Variants in LIPK observed in about 807,000 individuals in gnomAD.
LIPK encodes the protein lipase family member K.
LIPK carries 32 observed loss-of-function variants against 48.6 expected under a neutral mutation model. The ratio of observed to expected loss-of-function variants is 0.66; its 90% confidence interval spans 0.50 to 0.88. LIPK has a LOEUF of 0.88. LIPK is among the 40% of genes least tolerant of loss of function. LIPK has a pLI of 0.00. For missense variants in LIPK, 507 were observed against 478.5 expected (o/e 1.06, Z -0.56); for synonymous variants, 164 against 157.4 (o/e 1.04, Z -0.32).
intron 1 of LIPK, among the ~76,000 whole-genome samples, chr10:88,709,366 C>T (rs905368036): frequency 3.9e-5 from 6 of 152,114 alleles, no homozygotes; most frequent in East Asian, 1.9e-4. Flanking sequence ...ACATGTGCCA[C>T]GGTGGTTTGC....
At chr10:88,723,927 C>T (rs1842283131) in intron 1 of LIPK, among the ~76,000 whole-genome samples, 1 of 151,940 alleles carries the variant, frequency 6.6e-6, no homozygotes, top group African/African-American at 2.4e-5. Context: ...TTTTTTCTCA[C>T]CCATAATTTA....
chr10:88,738,535 CCTTT>C (rs1254249248), intron 7 of LIPK, among the ~76,000 whole-genome samples: 1 of 152,162 alleles, frequency 6.6e-6, no homozygotes, highest in Non-Finnish European at 1.5e-5. Context: ...TTAGCCATTG[CCTTT>C]CTATGTTCCT....
At chr10:88,713,106 G>A (rs778922690) in intron 1 of LIPK, among the ~76,000 whole-genome samples, 1 of 152,126 alleles carries the variant, frequency 6.6e-6, no homozygotes, top group Non-Finnish European at 1.5e-5. Context: ...TGTAGACTCT[G>A]GGATCAAACC....
At chr10:88,737,261 G>T (rs396952) in intron 6 of LIPK, among the ~76,000 whole-genome samples, 32,956 of 152,094 alleles carry the variant, frequency 0.22, 3,756 homozygotes, top group East Asian at 0.37. Flanking sequence ...GCCCTACCCA[G>T]TAGAAAATTT....
In LIPK at chr10:88,747,184, T is replaced by G. The variant is rs144286367; in HGVS notation, c.960+3863T>G. 5.3e-5 allele frequency among the ~76,000 whole-genome samples: 8 copies of G among 152,244 alleles called. No individual in the cohort carries two copies. The East Asian group carries it at 1.3e-3, about 26-fold the overall frequency. The stretch of plus-strand genomic sequence containing the variant: ...AATTACAGTCCAATTTTACCATACA[T>G]GTAAGAAGAGCTGGTGCCAATCTTA... On this transcript the variant is annotated intron_variant, in intron 9 of 9. Transcript: ENST00000404190.
At chr10:88,727,710 T>C (rs1329954902) in intron 3 of LIPK, 1 of 195,392 alleles carries the variant, frequency 5.1e-6, no homozygotes, top group Non-Finnish European at 1.1e-5. Context: ...GCTGGTGATA[T>C]GGGAGGCATC....
intron 1 of LIPK, among the ~76,000 whole-genome samples, chr10:88,712,232 C>A (rs1269250511): frequency 6.6e-6 from 1 of 152,122 alleles, no homozygotes; most frequent in Non-Finnish European, 1.5e-5. Flanking sequence ...GTTAGCATAG[C>A]AAGTGTAGTG....
chr10:88,722,882 C>CTT (rs1262882913), intron 1 of LIPK, among the ~76,000 whole-genome samples: 4 of 46,022 alleles, frequency 8.7e-5, no homozygotes, highest in African/African-American at 5.8e-4. Flanking sequence ...TTCTTCTTTT[C>CTT]TTTTTTCTTT....
At position 88,726,783 on chromosome 10, in the gene LIPK, T is replaced by C. The variant is rs1477558400; in HGVS notation, c.106-12T>C. On this transcript the variant is annotated splice_polypyrimidine_tract_variant and intron_variant, in intron 2 of 9. Coordinates refer to ENST00000404190, the MANE Select transcript of LIPK (RefSeq NM_001080518.2). The stretch of plus-strand genomic sequence containing the variant: ...ATAACATGAAGGTATATATTTCCTT[T>C]CCTCTTTTTAGAGCCAGATTATTTC... 1 of 1,282,910 alleles carries C rather than the reference T, an allele frequency of 7.8e-7. No individual in the cohort carries two copies. The highest frequency in any genetic ancestry group is 1.1e-6 in the Non-Finnish European group (1 of 887,682). The allele number at this position is 1,282,910 out of a possible 1,614,324, so 79.5% of individuals were successfully genotyped here. A position where few individuals can be genotyped will look rare whatever the true frequency, so the allele number is the denominator to read the frequency against.
intron 1 of LIPK, among the ~76,000 whole-genome samples, chr10:88,713,126 C>T (rs1428900525): frequency 6.6e-6 from 1 of 152,148 alleles, no homozygotes; most frequent in Non-Finnish European, 1.5e-5. Context: ...CAATCAGATA[C>T]AAATATCGCT....
chr10:88,717,879 A>AT (rs1196909601), intron 1 of LIPK, among the ~76,000 whole-genome samples: 15 of 149,634 alleles, frequency 1.0e-4, no homozygotes, highest in Admixed American at 9.3e-4. Flanking sequence ...GTATTATTTA[A>AT]TGTTTTTTTT....
intron 6 of LIPK, among the ~76,000 whole-genome samples, chr10:88,734,219 G>T (rs1402131726): frequency 6.6e-6 from 1 of 152,162 alleles, no homozygotes; most frequent in Non-Finnish European, 1.5e-5. Flanking sequence ...GAAAAATACT[G>T]CTAGCTGTTG....
At chr10:88,723,202 T>C (rs115087753) in intron 1 of LIPK, among the ~76,000 whole-genome samples, 2,131 of 152,232 alleles carry the variant, frequency 0.014, 48 homozygotes, top group African/African-American at 0.049. Flanking sequence ...TCCTACCCTT[T>C]AGAATTATTT....
At chr10:88,750,243 G>T (rs1315568144) in intron 9 of LIPK, among the ~76,000 whole-genome samples, 1 of 152,158 alleles carries the variant, frequency 6.6e-6, no homozygotes, top group Non-Finnish European at 1.5e-5. Flanking sequence ...AAAGCAATGT[G>T]ACAATTTCTC....
chr10:88,732,167 C>T lies in LIPK; in HGVS notation c.423-11C>T. The stretch of plus-strand genomic sequence containing the variant: ...TGACTTTTCTAATTTGTTATTCCTT[C>T]TTTTTGATAGTTTGGATGAGATGGC... On this transcript the variant is annotated splice_polypyrimidine_tract_variant and intron_variant, in intron 4 of 9. Transcript: ENST00000404190. 1 of 1,557,044 alleles carries T rather than the reference C, an allele frequency of 6.4e-7. No individual in the cohort carries two copies. Among genetic ancestry groups the T allele is most frequent in the Non-Finnish European group, 8.8e-7 (1 of 1,141,026 alleles).
At position 88,737,617 on chromosome 10, in the gene LIPK, T is replaced by C; in HGVS notation, c.670-18T>C. On this transcript the variant is annotated intron_variant, in intron 6 of 9. Transcript: ENST00000404190. ...TCCACGCCTGTAAGATTTGATGGTG[T>C]TTTAAATTATCTTGTAGGTGTTGTT... 2 of 1,611,686 alleles carry C rather than the reference T, an allele frequency of 1.2e-6. No individual in the cohort carries two copies. The highest frequency in any genetic ancestry group is 1.7e-6 in the Non-Finnish European group (2 of 1,178,540).
intron 3 of LIPK, among the ~76,000 whole-genome samples, chr10:88,729,798 C>T (rs1168137263): frequency 1.3e-5 from 2 of 152,192 alleles, no homozygotes; most frequent in South Asian, 2.1e-4. Context: ...GAGAGTACAA[C>T]TTACTCACTC....
chr10:88,731,589 G>A (rs527388901), intron 4 of LIPK, among the ~76,000 whole-genome samples: 21 of 152,368 alleles, frequency 1.4e-4, no homozygotes, highest in African/African-American at 3.8e-4. Flanking sequence ...ATGCCTTGGA[G>A]GTCATGAAAA....
In LIPK at chr10:88,737,680, C is replaced by G; in HGVS notation, c.715C>G (p.Gln239Glu). The G allele has an allele frequency of 6.2e-7, 1 of 1,613,774 alleles. No individual in the cohort carries two copies. Reference protein sequence around the residue: ...KMFHPHTLFDQFIATKVCNRK... With the variant: ...KMFHPHTLFDEFIATKVCNRK... Reference sequence around the variant, plus strand: ...GTTCCACCCTCATACATTGTTTGACCAATTCATTGCCACCAAAGTGTGCAA... The same window carrying G: ...GTTCCACCCTCATACATTGTTTGACGAATTCATTGCCACCAAAGTGTGCAA... Residue 239 changes from glutamine to glutamate, a missense_variant, in exon 7 of 10, where the codon CAA becomes GAA. Gln to Glu is a conservative substitution (Grantham distance 29, BLOSUM62 2). Transcript: ENST00000404190.
Sources: allele counts gnomAD v4.1 joint callset (sites outside exome capture counted in the v4.1 genomes callset), GRCh38; gene constraint gnomAD v4.1.1; transcripts MANE v1.5; gene names NCBI Gene and HGNC (gene_info 2026-07-23, HGNC 2026-07-21).